SH3BP5: variants seen among roughly 807,000 people sequenced by gnomAD.
SH3BP5 encodes the protein SH3 domain-binding protein 5.
A neutral mutation model predicts 43.3 loss-of-function variants in SH3BP5; 22 were observed. That is an observed-to-expected ratio of 0.51 (90% confidence interval 0.36 to 0.73). The LOEUF (loss-of-function observed/expected upper bound fraction) is 0.73. Among genes scored for constraint, SH3BP5 ranks in the 30% least tolerant of loss-of-function variants. SH3BP5 has a pLI of 0.00. For synonymous variants in SH3BP5, 255 were observed against 225.8 expected, an observed-to-expected ratio of 1.13 and a Z score of -1.16; for missense variants, 529 against 586.9, an observed-to-expected ratio of 0.90 and a Z score of 1.02.
At chr3:15,315,961 AG>A (rs1421141672) in intron 2 of SH3BP5, among the ~76,000 whole-genome samples, 1 of 152,240 alleles carries the variant, frequency 6.6e-6, no homozygotes, top group African/African-American at 2.4e-5. Flanking sequence ...TAATAATCAA[AG>A]TCAGAAAATT....
intron 3 of SH3BP5, among the ~76,000 whole-genome samples, chr3:15,298,270 C>T (rs899867171): frequency 1.3e-5 from 2 of 152,126 alleles, no homozygotes; most frequent in African/African-American, 4.8e-5. Flanking sequence ...AATTAGCCAA[C>T]TCCATTTTAT....
chr3:15,306,314 G>A (rs375018861), intron 2 of SH3BP5, among the ~76,000 whole-genome samples: 15 of 152,050 alleles, frequency 9.9e-5, no homozygotes, highest in African/African-American at 1.7e-4. Context: ...AGCTAAGATC[G>A]CGCCACTGCA....
intron 3 of SH3BP5, among the ~76,000 whole-genome samples, chr3:15,276,307 C>T (rs556352611): frequency 1.2e-4 from 19 of 152,256 alleles, no homozygotes; most frequent in African/African-American, 3.9e-4. Context: ...GTTTACAGAC[C>T]TCCCAGTTCA....
chr3:15,260,445 CTCT>C (rs1306824966), intron 5 of SH3BP5: 4 of 154,720 alleles, frequency 2.6e-5, no homozygotes, highest in Non-Finnish European at 4.3e-5. Flanking sequence ...AAGAGCTTGG[CTCT>C]TTTTTAGGAA....
At chr3:15,301,622 T>A (rs761229455) in intron 3 of SH3BP5, among the ~76,000 whole-genome samples, 3 of 151,914 alleles carry the variant, frequency 2.0e-5, no homozygotes, top group Non-Finnish European at 4.4e-5. Flanking sequence ...GCCTCATGGA[T>A]AAAGGGATAG....
intron 8 of SH3BP5, chr3:15,256,634 A>G: frequency 1.6e-6 from 1 of 608,652 alleles, no homozygotes; most frequent in Non-Finnish European, 2.8e-6. Flanking sequence ...TGTGAGACAT[A>G]GGACCTAAGC....
upstream of SH3BP5, chr3:15,333,303 A>AG: frequency 1.0e-6 from 1 of 983,178 alleles, no homozygotes; most frequent in Non-Finnish European, 1.2e-6. Context: ...ATGAAATGTC[A>AG]GGGCCACTGT....
At chr3:15,260,736 A>G (rs1447536523) in intron 5 of SH3BP5, among the ~76,000 whole-genome samples, 1 of 152,150 alleles carries the variant, frequency 6.6e-6, no homozygotes, top group Non-Finnish European at 1.5e-5. Flanking sequence ...GCATCCATGC[A>G]AGGGAGTGTG....
rs958199930 is a variant in SH3BP5 at position 15,332,093 on chromosome 3, A to G, written c.138+178T>C. ...CAGGCCGCATCCACGCGGGCACTGT[A>G]GCCTCCTCATTGTGGAGACGATGAA... On this transcript the variant is annotated intron_variant, in intron 1 of 8. Coordinates refer to ENST00000383791, the MANE Select transcript of SH3BP5 (RefSeq NM_004844.5). 7 of 1,006,980 alleles carry G rather than the reference A, an allele frequency of 7.0e-6. No individual in the cohort carries two copies. The African/African-American group carries it at 1.1e-4, about 16-fold the overall frequency. The allele number at this position is 1,006,980 out of a possible 1,614,324, so 62.4% of individuals were successfully genotyped here.
At chr3:15,257,202 C>T in intron 7 of SH3BP5, 89 bp from the exon 8 acceptor site, 1 of 1,350,564 alleles carries the variant, frequency 7.4e-7, no homozygotes, top group Non-Finnish European at 1.0e-6. Context: ...CTAGACACAG[C>T]ATGGGGGACT....
Position 15,269,709 on chromosome 3 carries a change from A to G in SH3BP5, c.495+4T>C, listed in dbSNP as rs946260921. The G allele has an allele frequency of 6.3e-7, 1 of 1,586,078 alleles. No homozygotes were observed. Among genetic ancestry groups the G allele is most frequent in the Non-Finnish European group, 8.6e-7 (1 of 1,163,626 alleles). On this transcript the variant is annotated splice_donor_region_variant and intron_variant, in intron 4 of 8. Transcript: ENST00000383791. ...CCCACAGCACACCCGGCCATGACTCATACCCTCTGAGTGGCGTGATTCAGC... is the reference window on the plus strand; with the variant it reads ...CCCACAGCACACCCGGCCATGACTCGTACCCTCTGAGTGGCGTGATTCAGC...
At chr3:15,268,765 T>TC (rs1354603976) in intron 4 of SH3BP5, among the ~76,000 whole-genome samples, 1 of 152,136 alleles carries the variant, frequency 6.6e-6, no homozygotes, top group Non-Finnish European at 1.5e-5. Context: ...TTGAAACTGA[T>TC]CCCCAGTGTG....
intron 3 of SH3BP5, among the ~76,000 whole-genome samples, chr3:15,272,236 T>C (rs1386358914): frequency 6.6e-6 from 1 of 152,192 alleles, no homozygotes; most frequent in African/African-American, 2.4e-5. Context: ...TCTGTGATTG[T>C]GTACTGCATA....
rs1348602410 is a variant in SH3BP5 at position 15,262,829 on chromosome 3, ATGCCT to A, written c.496-545_496-541del. The stretch of plus-strand genomic sequence containing the variant: ...AAACATTTGCCAGGCATGGTGGCAC[ATGCCT>A]GTAGTCCCAGCTACTTGAAAGGCTG... On this transcript the variant is annotated intron_variant, in intron 4 of 8. Coordinates refer to ENST00000383791, the MANE Select transcript of SH3BP5 (RefSeq NM_004844.5). Among the ~76,000 whole-genome samples the A allele has an allele frequency of 6.6e-5, 10 of 151,280 alleles. No homozygotes were observed. The East Asian group carries it at 2.0e-3, about 30-fold the overall frequency.
chr3:15,337,101 T>G (rs1217395237), upstream of SH3BP5, among the ~76,000 whole-genome samples: 5 of 148,318 alleles, frequency 3.4e-5, no homozygotes, highest in Non-Finnish European at 7.5e-5. Context: ...TTTTTTTTTT[T>G]TTTTTTGGGA....
intron 8 of SH3BP5, chr3:15,256,598 T>C (rs1696209745): frequency 3.4e-6 from 2 of 593,962 alleles, no homozygotes; most frequent in Admixed American, 3.1e-5. Context: ...CTCTCTACTA[T>C]GTGCTTGCCA....
At chr3:15,272,439 A>AGGAGGATCCC in intron 3 of SH3BP5, among the ~76,000 whole-genome samples, 1 of 152,226 alleles carries the variant, frequency 6.6e-6, no homozygotes, top group East Asian at 1.9e-4. Context: ...CTCTTAAAGG[A>AGGAGGATCCC]GGAGGATCCC....
rs186089966 is a variant in SH3BP5, at chr3:15,268,201, G to A, written c.495+1512C>T. 4.6e-5 allele frequency among the ~76,000 whole-genome samples: 7 copies of A among 152,324 alleles called. No individual in the cohort carries two copies. The South Asian group carries it at 8.3e-4, about 18-fold the overall frequency. On this transcript the variant is annotated intron_variant, in intron 4 of 8. Transcript: ENST00000383791. Reference sequence around the variant, plus strand: ...GCAGGGAGAGGTGCGTAAAGTCAACGCGGATTTGACTCTTGAAGTCATTTG... The same window carrying A: ...GCAGGGAGAGGTGCGTAAAGTCAACACGGATTTGACTCTTGAAGTCATTTG...
At chr3:15,264,134 A>G (rs1333442654) in intron 4 of SH3BP5, among the ~76,000 whole-genome samples, 1 of 152,228 alleles carries the variant, frequency 6.6e-6, no homozygotes, top group Non-Finnish European at 1.5e-5. Context: ...TAAAGGTACC[A>G]TGAAAAATTA....
Sources: gnomAD v4.1 joint callset for allele counts (sites outside exome capture counted in the v4.1 genomes callset) on GRCh38, gnomAD v4.1.1 for gene constraint, MANE v1.5 for transcripts, NCBI Gene and HGNC (gene_info 2026-07-23, HGNC 2026-07-21) for gene names.